Variants in GABRG2 observed in about 807,000 individuals in gnomAD.
The protein encoded by GABRG2 is gamma-aminobutyric acid type A receptor subunit gamma2.
In GABRG2, 16 loss-of-function variants were observed where a neutral mutation model predicts 56.4. That is an observed-to-expected ratio of 0.28 (90% CI 0.19 to 0.43). The LOEUF (loss-of-function observed/expected upper bound fraction) is 0.43, where lower values mean the gene tolerates loss of function less well. Ranked by LOEUF, GABRG2 falls within the 20% of genes least tolerant of loss-of-function variation. The pLI is 1.00. For synonymous variants in GABRG2, 208 were observed against 205.5 expected, an observed-to-expected ratio of 1.01 and a Z score of -0.10; for missense variants, 327 against 582.7, an observed-to-expected ratio of 0.56 and a Z score of 4.52.
chr5:162,116,237 T>G (rs1305584658), intron 6 of GABRG2, among the ~76,000 whole-genome samples: 3 of 147,682 alleles, frequency 2.0e-5, no homozygotes, highest in Non-Finnish European at 3.0e-5. Flanking sequence ...CATCTACCAA[T>G]CTATCTATCT....
chr5:162,130,168 A>T (rs1052352820), intron 6 of GABRG2, among the ~76,000 whole-genome samples: 4 of 151,966 alleles, frequency 2.6e-5, no homozygotes, highest in Admixed American at 6.6e-5. Context: ...CTTGAATTTC[A>T]CAAAATGAAA....
At chr5:162,075,653 G>C in intron 1 of GABRG2, among the ~76,000 whole-genome samples, 2 of 151,778 alleles carry the variant, frequency 1.3e-5, no homozygotes, top group South Asian at 4.2e-4. Flanking sequence ...AATAAAAATT[G>C]CACTCATTTT....
At chr5:162,095,187 T>C (rs1760905943) in intron 2 of GABRG2, among the ~76,000 whole-genome samples, 2 of 152,168 alleles carry the variant, frequency 1.3e-5, no homozygotes, top group African/African-American at 4.8e-5. Flanking sequence ...ATTCAAGATA[T>C]CTGAGAGAAA....
At chr5:162,069,399 G>A (rs770361563) in intron 1 of GABRG2, among the ~76,000 whole-genome samples, 5 of 151,990 alleles carry the variant, frequency 3.3e-5, no homozygotes, top group Non-Finnish European at 7.4e-5. Flanking sequence ...TTTTTTTGTG[G>A]GTCGACAATC....
chr5:162,149,022 C>A, intron 7 of GABRG2, 86 bp from the exon 8 acceptor site: 2 of 1,228,090 alleles, frequency 1.6e-6, no homozygotes, highest in South Asian at 1.2e-5. Context: ...CATCAGAAGT[C>A]ATGAAACAAT....
At chr5:162,131,173 G>A (rs1289110747) in intron 6 of GABRG2, among the ~76,000 whole-genome samples, 2 of 151,914 alleles carry the variant, frequency 1.3e-5, no homozygotes, top group Non-Finnish European at 2.9e-5. Flanking sequence ...GACTCCTAAA[G>A]AGGAGTGTCC....
At chr5:162,149,028 A>G in intron 7 of GABRG2, 80 bp from the exon 8 acceptor site, 1 of 1,292,970 alleles carries the variant, frequency 7.7e-7, no homozygotes, top group Non-Finnish European at 1.1e-6. Context: ...AAGTCATGAA[A>G]CAATGTAGTC....
chr5:162,087,553 A>T (rs1477054791), intron 1 of GABRG2, among the ~76,000 whole-genome samples: 1 of 152,062 alleles, frequency 6.6e-6, no homozygotes, highest in African/African-American at 2.4e-5. Context: ...TAGAAGGGAA[A>T]AGTTGTTGCC....
chr5:162,111,270 A>T (rs1362481704), intron 6 of GABRG2, among the ~76,000 whole-genome samples: 1 of 152,180 alleles, frequency 6.6e-6, no homozygotes, highest in African/African-American at 2.4e-5. Flanking sequence ...GTTATTATAC[A>T]CATTAAACAA....
intron 1 of GABRG2, among the ~76,000 whole-genome samples, chr5:162,080,758 G>C (rs374867120): frequency 6.6e-6 from 1 of 152,064 alleles, no homozygotes; most frequent in African/African-American, 2.4e-5. Context: ...CTGACTTTTA[G>C]CTTCATCAGA....
intron 9 of GABRG2, chr5:162,152,892 A>T: frequency 1.6e-6 from 1 of 642,610 alleles, no homozygotes; most frequent in Non-Finnish European, 2.7e-6. Flanking sequence ...TTTCAGCTGC[A>T]CTGCTTAAGC....
At chr5:162,081,247 A>G (rs1759641021) in intron 1 of GABRG2, among the ~76,000 whole-genome samples, 2 of 152,092 alleles carry the variant, frequency 1.3e-5, no homozygotes, top group Non-Finnish European at 2.9e-5. Flanking sequence ...ATTATCTCAT[A>G]CTTTATTATT....
chr5:162,098,576 A>G (rs183726171), intron 4 of GABRG2: 2 of 152,542 alleles, frequency 1.3e-5, no homozygotes, highest in East Asian at 3.9e-4. Flanking sequence ...AATAATAGAT[A>G]AGTACATAGT....
At chr5:162,114,941 C>CCGTTTTGCTTTGTTGT (rs1382526008) in intron 6 of GABRG2, among the ~76,000 whole-genome samples, 1 of 151,270 alleles carries the variant, frequency 6.6e-6, no homozygotes, top group African/African-American at 2.4e-5. Context: ...TGGTTTGTTG[C>CCGTTTTGCTTTGTTGT]CGTTTTGCTT....
At chr5:162,135,085 G>T (rs1764025186) in intron 6 of GABRG2, among the ~76,000 whole-genome samples, 1 of 152,128 alleles carries the variant, frequency 6.6e-6, no homozygotes, top group Non-Finnish European at 1.5e-5. Context: ...GGCACACTGT[G>T]GTGCTTGTGT....
At chr5:162,101,379 T>G in intron 5 of GABRG2, 62 bp downstream of exon 5, 1 of 1,108,746 alleles carries the variant, frequency 9.0e-7, no homozygotes, top group Non-Finnish European at 1.4e-6. Flanking sequence ...GATTGCCATG[T>G]TAATTAATTG....
chr5:162,082,866 T>G (rs1208314030), intron 1 of GABRG2, among the ~76,000 whole-genome samples: 3 of 151,642 alleles, frequency 2.0e-5, no homozygotes, highest in Non-Finnish European at 4.4e-5. Context: ...AAAACCTTGA[T>G]TTTGAGAAAA....
rs929478301 is a variant in GABRG2 at position 162,105,384 on chromosome 5, G to A, written c.769+1358G>A. On this transcript the variant is annotated intron_variant, in intron 6 of 9. Transcript: ENST00000639213. ...GTATATTATTTTAAAATGGCCTTCT[G>A]TTCCATTATTTGCAAGAAACCTGAC... Among the ~76,000 whole-genome samples the A allele has an allele frequency of 4.1e-5, 6 of 145,044 alleles. No individual in the cohort carries two copies. In the East Asian group the frequency reaches 8.0e-4, roughly 19 times the overall value.
At chr5:162,071,174 A>G (rs958990392) in intron 1 of GABRG2, among the ~76,000 whole-genome samples, 2 of 151,580 alleles carry the variant, frequency 1.3e-5, no homozygotes, top group Admixed American at 6.6e-5. Context: ...TTGAAAAACT[A>G]TATATATACC....
Sources: gnomAD v4.1 joint callset for allele counts (sites outside exome capture counted in the v4.1 genomes callset) on GRCh38, gnomAD v4.1.1 for gene constraint, MANE v1.5 for transcripts, NCBI Gene and HGNC (gene_info 2026-07-23, HGNC 2026-07-21) for gene names.